Variants in GLI2 observed in about 807,000 individuals in gnomAD.
The protein encoded by GLI2 is transcription activator GLI2.
A neutral mutation model predicts 78.9 loss-of-function variants in GLI2; 22 were observed. The observed-to-expected ratio is 0.28, with a 90% CI of 0.20 to 0.40. The LOEUF is 0.40. Among genes scored for constraint, GLI2 ranks in the 10% least tolerant of loss-of-function variants. GLI2 has a pLI of 1.00. For synonymous variants in GLI2, 974 were observed against 963.7 expected (o/e 1.01, Z -0.20); for missense variants, 2,097 against 2,213.2 (o/e 0.95, Z 1.05).
intron 1 of GLI2, among the ~76,000 whole-genome samples, chr2:120,758,169 T>C (rs1027868354): frequency 3.6e-4 from 55 of 152,238 alleles, no homozygotes; most frequent in African/African-American, 1.2e-3. Context: ...TCACCACTTA[T>C]CCGGGCCGCC....
Position 120,800,150 on chromosome 2 carries a change from G to A in GLI2, c.148+2682G>A, listed in dbSNP as rs1044306899. On this transcript the variant is annotated intron_variant, in intron 2 of 13. Transcript: ENST00000361492. This position sits in a 1 kb window ranked among gnomAD's most constrained non-coding sequence, Gnocchi z 4.1. ...TGTGGACAGTGGGTGAGGAGGGGCC[G>A]TGAGGGACTGTACCAAGCCTGGGAG... Among the ~76,000 whole-genome samples, 10 of 152,208 alleles carry A rather than the reference G, an allele frequency of 6.6e-5. No individual in the cohort carries two copies. The highest frequency in any genetic ancestry group is 4.6e-4 in the Admixed American group (7 of 15,286).
At chr2:120,926,585 C>A (rs1209282635) in intron 2 of GLI2, among the ~76,000 whole-genome samples, 2 of 152,162 alleles carry the variant, frequency 1.3e-5, no homozygotes, top group East Asian at 3.9e-4. Context: ...TTTCCTAAAG[C>A]CTATAATTAT....
chr2:120,989,026 G>C lies in GLI2; in HGVS notation c.3061G>C (p.Glu1021Gln). Residue 1021 changes from glutamate to glutamine, a missense_variant, in exon 14 of 14, where the codon GAG becomes CAG. Around this residue, in one of 5 missense-constraint regions of GLI2, gnomAD observed 1,290 missense variants for 1,261.7 expected, o/e 1.02. Coordinates refer to ENST00000361492, the MANE Select transcript of GLI2 (RefSeq NM_001374353.1). ...PPSISENVAM[E>Q]AVAAGVDGAG... ...TAGCATCAGCGAGAACGTGGCGATG[G>C]AGGCCGTGGCGGCAGGAGTGGACGG... The C allele has an allele frequency of 6.2e-7, 1 of 1,604,840 alleles. No individual in the cohort carries two copies. The highest frequency in any genetic ancestry group is 8.5e-7 in the Non-Finnish European group (1 of 1,178,464).
intron 4 of GLI2, among the ~76,000 whole-genome samples, chr2:120,953,497 G>A (rs542553573): frequency 1.3e-5 from 2 of 152,350 alleles, no homozygotes; most frequent in African/African-American, 4.8e-5. Context: ...ATGCTGATCT[G>A]TTACAGCATT....
chr2:120,807,913 G>C (rs1191382909), intron 2 of GLI2, among the ~76,000 whole-genome samples: 1 of 152,182 alleles, frequency 6.6e-6, no homozygotes, highest in South Asian at 2.1e-4. Context: ...TGGGTGGGCA[G>C]GGTGGGGAGG....
intron 9 of GLI2, among the ~76,000 whole-genome samples, chr2:120,975,973 C>T (rs6759826): frequency 0.047 from 7,132 of 152,186 alleles, 523 homozygotes; most frequent in African/African-American, 0.16. Flanking sequence ...GCAGACATTC[C>T]GCACCTAGCA....
intron 1 of GLI2, among the ~76,000 whole-genome samples, chr2:120,782,564 C>G (rs1304387559): frequency 2.0e-5 from 3 of 152,180 alleles, no homozygotes; most frequent in Non-Finnish European, 4.4e-5. Flanking sequence ...CAGTATGCAC[C>G]ACTGCCTCTT....
chr2:120,828,800 C>T (rs888582588), intron 2 of GLI2, among the ~76,000 whole-genome samples: 2 of 146,590 alleles, frequency 1.4e-5, no homozygotes, highest in African/African-American at 5.0e-5. Flanking sequence ...TAATTTGCCA[C>T]GTCATTCCAT....
chr2:120,875,350 C>T (rs1688682659), intron 2 of GLI2, among the ~76,000 whole-genome samples: 1 of 152,182 alleles, frequency 6.6e-6, no homozygotes, highest in Admixed American at 6.5e-5. Flanking sequence ...TTGGGCTGGC[C>T]ATCATAGCCT....
chr2:120,852,360 T>A (rs902994195), intron 2 of GLI2, among the ~76,000 whole-genome samples: 1 of 152,190 alleles, frequency 6.6e-6, no homozygotes, highest in Non-Finnish European at 1.5e-5. Flanking sequence ...GTGCTGGGCT[T>A]GGGTGGGGCC....
chr2:120,811,667 G>T (rs963604643), intron 2 of GLI2, among the ~76,000 whole-genome samples: 1 of 152,132 alleles, frequency 6.6e-6, no homozygotes, highest in Non-Finnish European at 1.5e-5. Flanking sequence ...AGCCTGGGAT[G>T]CCCTGAGAGG....
chr2:120,786,054 C>T (rs1683988358), intron 1 of GLI2, among the ~76,000 whole-genome samples: 1 of 152,180 alleles, frequency 6.6e-6, no homozygotes, highest in Non-Finnish European at 1.5e-5. Flanking sequence ...GTGGTCTGGG[C>T]TTGGGGTGGC....
At chr2:120,983,721 T>C (rs911856634) in intron 11 of GLI2, among the ~76,000 whole-genome samples, 2 of 152,182 alleles carry the variant, frequency 1.3e-5, no homozygotes, top group African/African-American at 4.8e-5. Context: ...ACACAATTAC[T>C]GTCGCTCAGG....
Position 120,901,938 on chromosome 2 carries a change from G to A in GLI2, c.149-25423G>A, listed in dbSNP as rs569122230. Among the ~76,000 whole-genome samples the A allele has an allele frequency of 1.1e-4, 17 of 152,184 alleles. 1 individual carries two copies. Among genetic ancestry groups the A allele is most frequent in the South Asian group, 6.2e-4 (3 of 4,808 alleles). On this transcript the variant is annotated intron_variant, in intron 2 of 13. Coordinates refer to ENST00000361492, the MANE Select transcript of GLI2 (RefSeq NM_001374353.1). ...CTTGTAATTTTTTAGGTAGAAAATCGTATTAATTTGCAGGAAATTCAGATT... is the reference window on the plus strand; with the variant it reads ...CTTGTAATTTTTTAGGTAGAAAATCATATTAATTTGCAGGAAATTCAGATT...
chr2:120,860,191 T>G (rs1687841759), intron 2 of GLI2, among the ~76,000 whole-genome samples: 1 of 152,126 alleles, frequency 6.6e-6, no homozygotes. Context: ...GCAGAGGTAA[T>G]GGACCAGGGT....
intron 1 of GLI2, chr2:120,792,536 A>G (rs1684197736): frequency 6.6e-6 from 1 of 152,264 alleles, no homozygotes; most frequent in South Asian, 2.1e-4. Flanking sequence ...TGAGGGAGAC[A>G]CCAACTTCAG....
intron 2 of GLI2, among the ~76,000 whole-genome samples, chr2:120,805,004 C>T (rs1684877000): frequency 1.3e-5 from 2 of 152,210 alleles, no homozygotes; most frequent in South Asian, 4.1e-4. Flanking sequence ...GTAGTGGTCA[C>T]TACTTCTGGC....
chr2:120,912,642 C>T (rs566516910), intron 2 of GLI2, among the ~76,000 whole-genome samples: 16 of 152,286 alleles, frequency 1.1e-4, no homozygotes, highest in Non-Finnish European at 1.3e-4. Context: ...GCCAGGCGTC[C>T]GAAAGTGTAA....
At chr2:120,826,697 A>G (rs1686080164) in intron 2 of GLI2, among the ~76,000 whole-genome samples, 2 of 152,104 alleles carry the variant, frequency 1.3e-5, no homozygotes, top group Admixed American at 1.3e-4. Context: ...CAGGTTGGGG[A>G]AGTGGCTTTG....
Sources: gnomAD v4.1 joint callset for allele counts (sites outside exome capture counted in the v4.1 genomes callset) on GRCh38, gnomAD v4.1.1 for gene constraint, gnomAD v4.1.1 regional missense constraint, Gnocchi (gnomAD v3.1) non-coding constraint, MANE v1.5 for transcripts, NCBI Gene and HGNC (gene_info 2026-07-23, HGNC 2026-07-21) for gene names.